LRCH2: variants seen among roughly 807,000 people sequenced by gnomAD.
LRCH2 encodes leucine-rich repeat and calponin homology domain-containing protein 2.
A neutral mutation model predicts 68.9 loss-of-function variants in LRCH2; 38 were observed. The observed-to-expected ratio is 0.55, with a 90% CI of 0.43 to 0.72. LRCH2 has a LOEUF of 0.72. Ranked by LOEUF, LRCH2 falls within the 30% of genes least tolerant of loss-of-function variation. The pLI is 0.00. For missense variants in LRCH2, 528 were observed against 572.9 expected (o/e 0.92, Z 0.80); for synonymous variants, 191 against 208.1 (o/e 0.92, Z 0.71).
chrX:115,128,450 C>T (rs1175212239), intron 15 of LRCH2, among the ~76,000 whole-genome samples: 2 of 111,813 alleles, frequency 1.8e-5, no homozygotes, highest in Non-Finnish European at 3.8e-5. Flanking sequence ...ATGAGATTAA[C>T]ATCAATAACT....
rs145845886 is a variant in LRCH2 at position 115,228,175 on chromosome X, A to G, written c.349+5518T>C. Among the ~76,000 whole-genome samples, 71 of 111,858 alleles carry G rather than the reference A, an allele frequency of 6.3e-4. 1 individual carries two copies. Among genetic ancestry groups the G allele is most frequent in the Non-Finnish European group, 1.5e-4 (8 of 53,156 alleles). On this transcript the variant is annotated intron_variant, in intron 1 of 20. Coordinates refer to ENST00000317135, the MANE Select transcript of LRCH2 (RefSeq NM_020871.4). ...AAAGTGAGAGTAAACATAAACTTAC[A>G]TTGTTATTAAATTGGCTTATACAGT...
Position 115,149,350 on chromosome X carries a change from G to A in LRCH2, c.1695+477C>T, listed in dbSNP as rs190444036. Among the ~76,000 whole-genome samples, 39 of 111,266 alleles carry A rather than the reference G, an allele frequency of 3.5e-4. No individual in the cohort carries two copies. In the East Asian group the frequency reaches 5.3e-3, roughly 15 times the overall value. On this transcript the variant is annotated intron_variant, in intron 14 of 20. Coordinates refer to ENST00000317135, the MANE Select transcript of LRCH2 (RefSeq NM_020871.4). ...TTGGATGATCTGAGCTTTTCTTTTA[G>A]CTAAGATAAAAGACACTCAAGCAAT...
chrX:115,189,960 C>T (rs956762582), intron 1 of LRCH2: 7 of 1,162,668 alleles, frequency 6.0e-6, no homozygotes, highest in Middle Eastern at 2.4e-4. Flanking sequence ...TGGCTCACAG[C>T]GTTGGCTGTG....
At chrX:115,188,797 C>T (rs782153362) in intron 1 of LRCH2, among the ~76,000 whole-genome samples, 85 of 111,892 alleles carry the variant, frequency 7.6e-4, no homozygotes, top group African/African-American at 2.7e-3. Flanking sequence ...CGCCACTGCA[C>T]TCCAGCCTGA....
At chrX:115,172,113 A>G (rs782412768) in intron 5 of LRCH2, among the ~76,000 whole-genome samples, 54 of 111,754 alleles carry the variant, frequency 4.8e-4, no homozygotes, top group Non-Finnish European at 9.0e-4. Context: ...TGGTAGATTT[A>G]TTGGAGTATC....
rs72620923 is a variant in LRCH2, at chrX:115,219,483, G to A, written c.349+14210C>T. On this transcript the variant is annotated intron_variant, in intron 1 of 20. Transcript: ENST00000317135. ...AGCAGCCCCTACACATCAGCACGGC[G>A]GCAGCTGCCAGTAAGACAAGACCAA... Among the ~76,000 whole-genome samples the A allele has an allele frequency of 7.3e-4, 81 of 111,512 alleles. 1 individual carries two copies. The East Asian group carries it at 0.018, about 25-fold the overall frequency.
chrX:115,185,844 T>C (rs1055642295), intron 2 of LRCH2, among the ~76,000 whole-genome samples: 1 of 111,724 alleles, frequency 9.0e-6, no homozygotes, highest in Admixed American at 9.5e-5. Flanking sequence ...ATGGTCAGTC[T>C]GGGTCCCTTC....
At chrX:115,194,345 G>T (rs2072871684) in intron 1 of LRCH2, among the ~76,000 whole-genome samples, 1 of 111,583 alleles carries the variant, frequency 9.0e-6, no homozygotes, top group South Asian at 3.8e-4. Flanking sequence ...CAATATTCTG[G>T]CTTACCTCCT....
At chrX:115,178,039 A>G (rs2072664396) in intron 5 of LRCH2, among the ~76,000 whole-genome samples, 1 of 112,607 alleles carries the variant, frequency 8.9e-6, no homozygotes, top group African/African-American at 3.2e-5. Flanking sequence ...GATACAGAAC[A>G]TGCTCATCAC....
At chrX:115,122,166 T>C (rs1211885365) in intron 20 of LRCH2, among the ~76,000 whole-genome samples, 3 of 103,792 alleles carry the variant, frequency 2.9e-5, no homozygotes, top group African/African-American at 7.1e-5. Flanking sequence ...AATCAGAATC[T>C]ATCCAGTGAA....
intron 14 of LRCH2, among the ~76,000 whole-genome samples, chrX:115,144,431 C>A (rs2072364640): frequency 3.6e-5 from 4 of 110,369 alleles, no homozygotes; most frequent in Non-Finnish European, 7.6e-5. Context: ...TTATTCAACA[C>A]AATACTAGGA....
chrX:115,158,814 T>A (rs1483810610), intron 11 of LRCH2, among the ~76,000 whole-genome samples: 1 of 111,846 alleles, frequency 8.9e-6, no homozygotes, highest in East Asian at 2.8e-4. Flanking sequence ...TTTAATCCTT[T>A]CTTTAGAATA....
intron 11 of LRCH2, among the ~76,000 whole-genome samples, chrX:115,161,141 C>T (rs1213139360): frequency 1.8e-5 from 2 of 111,314 alleles, no homozygotes; most frequent in South Asian, 3.7e-4. Context: ...ACCCCTGAGG[C>T]CAGGAGTTTC....
intron 14 of LRCH2, among the ~76,000 whole-genome samples, chrX:115,142,147 G>T (rs1556534539): frequency 9.0e-6 from 1 of 111,504 alleles, no homozygotes; most frequent in East Asian, 2.8e-4. Context: ...ACCCAATACT[G>T]GGGCACTCAG....
intron 1 of LRCH2, among the ~76,000 whole-genome samples, chrX:115,214,805 G>A (rs2073030842): frequency 9.0e-6 from 1 of 111,375 alleles, no homozygotes; most frequent in African/African-American, 3.3e-5. Context: ...AGTAAGGAAA[G>A]GACTGTGAGT....
In LRCH2 at chrX:115,112,341, A is replaced by C. The variant is rs1480421635; in HGVS notation, c.*875T>G. 1 of 112,026 alleles carries C rather than the reference A, an allele frequency of 8.9e-6. No homozygotes were observed. Among genetic ancestry groups the C allele is most frequent in the Non-Finnish European group, 1.9e-5 (1 of 53,000 alleles). The allele number at this position is 112,026 out of a possible 1,213,427, so 9.2% of individuals were successfully genotyped here. On this transcript the variant is annotated 3_prime_UTR_variant, in exon 21 of 21. Coordinates refer to ENST00000317135, the MANE Select transcript of LRCH2 (RefSeq NM_020871.4). The stretch of plus-strand genomic sequence containing the variant: ...AACATTTTCAATACAGAAATAAAAT[A>C]CTCTTCAAATAATACATTTTAAAAG...
rs1415101087 is a variant in LRCH2, at chrX:115,111,106, G to A, written c.*2110C>T. On this transcript the variant is annotated 3_prime_UTR_variant, in exon 21 of 21. Coordinates refer to ENST00000317135, the MANE Select transcript of LRCH2 (RefSeq NM_020871.4). ...TTGGTATAACATTGTAGGGGACCAT[G>A]CTGTGAAACTGCTTTAGACGTGGTG... The A allele has an allele frequency of 1.8e-5, 2 of 111,468 alleles. No homozygotes were observed. The highest frequency in any genetic ancestry group is 3.8e-5 in the Non-Finnish European group (2 of 53,103). 9.2% of individuals were successfully genotyped at this position (111,468 alleles called of 1,213,427 possible).
chrX:115,141,834 A>G (rs1003885515), intron 14 of LRCH2, among the ~76,000 whole-genome samples: 4 of 104,309 alleles, frequency 3.8e-5, no homozygotes, highest in Non-Finnish European at 5.9e-5. Flanking sequence ...AGATCATGCC[A>G]TTTCACTCCA....
chrX:115,126,980 G>T, intron 15 of LRCH2, 87 bp from the exon 16 acceptor site: 1 of 567,270 alleles, frequency 1.8e-6, no homozygotes, highest in Non-Finnish European at 2.6e-6. Context: ...AAATTGTTCT[G>T]ACCAACTACT....
Sources: allele counts gnomAD v4.1 joint callset (sites outside exome capture counted in the v4.1 genomes callset), GRCh38; gene constraint gnomAD v4.1.1; transcripts MANE v1.5; gene names NCBI Gene and HGNC (gene_info 2026-07-23, HGNC 2026-07-21).